Variants in ARSB observed in about 807,000 individuals in gnomAD.
ARSB encodes the protein N-acetylgalactosamine-4-sulfatase.
A neutral mutation model predicts 50.9 loss-of-function variants in ARSB; 41 were observed. The ratio of observed to expected loss-of-function variants is 0.81; its 90% confidence interval spans 0.63 to 1.04. The LOEUF (loss-of-function observed/expected upper bound fraction) is 1.04. Among genes scored for constraint, ARSB ranks in the 50% least tolerant of loss-of-function variants. The probability of loss-of-function intolerance (pLI) is 0.00; values close to 1 mark genes in which losing one functional copy is unlikely to be tolerated. For synonymous variants in ARSB, 269 were observed against 284.8 expected (o/e 0.94, Z 0.56); for missense variants, 672 against 693.3 (o/e 0.97, Z 0.35).
intron 4 of ARSB, among the ~76,000 whole-genome samples, chr5:78,926,234 G>A (rs79232862): frequency 4.5e-4 from 69 of 152,266 alleles, no homozygotes; most frequent in African/African-American, 1.5e-3. Context: ...AAGGAAGAAA[G>A]GATAGCACAT....
intron 6 of ARSB, among the ~76,000 whole-genome samples, chr5:78,837,181 G>A (rs1485713486): frequency 1.3e-5 from 2 of 152,226 alleles, no homozygotes; most frequent in Non-Finnish European, 2.9e-5. Flanking sequence ...CTTAGTGAGT[G>A]AGGGGTCTTA....
chr5:78,878,564 T>TG (rs565583298), intron 5 of ARSB, among the ~76,000 whole-genome samples: 1 of 6,058 alleles, frequency 1.7e-4, no homozygotes, highest in African/African-American at 1.8e-4. Flanking sequence ...ATTTTATGTG[T>TG]TTTTTTTTTT....
At chr5:78,949,398 T>C (rs1310529315) in intron 4 of ARSB, among the ~76,000 whole-genome samples, 1 of 152,124 alleles carries the variant, frequency 6.6e-6, no homozygotes, top group Non-Finnish European at 1.5e-5. Flanking sequence ...CTAAGTGAAG[T>C]AAAGTGAGAG....
chr5:78,884,600 T>C (rs549345886), intron 5 of ARSB: 2 of 152,146 alleles, frequency 1.3e-5, no homozygotes, highest in Non-Finnish European at 2.9e-5. Flanking sequence ...AACAGAGCTG[T>C]AACACCAAAC....
At chr5:78,784,345 G>A (rs1187060994) in intron 6 of ARSB, among the ~76,000 whole-genome samples, 1 of 152,114 alleles carries the variant, frequency 6.6e-6, no homozygotes, top group Non-Finnish European at 1.5e-5. Flanking sequence ...AAGGAAATCG[G>A]TATACTAAAG....
rs1483102345 is a variant in ARSB, at chr5:78,869,962, T to TA, written c.1142+15621dup. The stretch of plus-strand genomic sequence containing the variant: ...AGAGAGAAGAATCAAATAGACACAA[T>TA]AAAAAATGATAAAGGGGATATCACC... On this transcript the variant is annotated intron_variant, in intron 5 of 7. Coordinates refer to ENST00000264914, the MANE Select transcript of ARSB (RefSeq NM_000046.5). Among the ~76,000 whole-genome samples the TA allele has an allele frequency of 8.0e-5, 12 of 150,012 alleles. No homozygotes were observed. In the South Asian group the frequency reaches 1.3e-3, roughly 16 times the overall value.
rs188320911 is a variant in ARSB, at chr5:78,801,753, C to T, written c.1214-19779G>A. 1.3e-3 allele frequency among the ~76,000 whole-genome samples: 200 copies of T among 152,272 alleles called. 1 individual carries two copies. The Middle Eastern group carries it at 0.017, about 13-fold the overall frequency. On this transcript the variant is annotated intron_variant, in intron 6 of 7. Transcript: ENST00000264914. ...CAGGCCTGGGCCCAGAAAACCCTCT[C>T]ATGCACAGCCTTCCATGCAGAGAAG...
chr5:78,926,175 G>A (rs1003577758), intron 4 of ARSB, among the ~76,000 whole-genome samples: 9 of 151,878 alleles, frequency 5.9e-5, no homozygotes, highest in South Asian at 2.1e-4. Context: ...CTTTTCTTCC[G>A]GCCATAATCC....
chr5:78,879,866 AT>A (rs1415681852), intron 5 of ARSB, among the ~76,000 whole-genome samples: 3 of 152,196 alleles, frequency 2.0e-5, no homozygotes, highest in African/African-American at 7.2e-5. Context: ...TTCTCAAGCA[AT>A]GGGAACAGAA....
intron 6 of ARSB, chr5:78,816,152 A>G: frequency 5.6e-6 from 9 of 1,614,150 alleles, no homozygotes; most frequent in Non-Finnish European, 7.6e-6. Flanking sequence ...GAAGATATAC[A>G]GATTTCTCAG....
At position 78,866,449 on chromosome 5, in the gene ARSB, G is replaced by A. The variant is rs375120431; in HGVS notation, c.1142+19135C>T. ...GGAATTCAAGATGAGATTTGGGTGG[G>A]GACACAGCCAAACCATATCAAGGGG... On this transcript the variant is annotated intron_variant, in intron 5 of 7. Transcript: ENST00000264914. Among the ~76,000 whole-genome samples the A allele has an allele frequency of 1.2e-4, 18 of 152,152 alleles. No individual in the cohort carries two copies. The East Asian group carries it at 1.5e-3, about 13-fold the overall frequency.
intron 5 of ARSB, among the ~76,000 whole-genome samples, chr5:78,872,257 G>A (rs1425527093): frequency 6.6e-6 from 1 of 151,726 alleles, no homozygotes; most frequent in Admixed American, 6.6e-5. Flanking sequence ...AGTCAGTGTG[G>A]CGATTCCTCA....
chr5:78,898,738 T>C (rs1174724350), intron 4 of ARSB, among the ~76,000 whole-genome samples: 4 of 152,150 alleles, frequency 2.6e-5, no homozygotes, highest in Admixed American at 2.6e-4. Context: ...TTTCCTTGCC[T>C]TTCTAGCAAA....
At chr5:78,823,019 T>C (rs1423825144) in intron 6 of ARSB, among the ~76,000 whole-genome samples, 2 of 152,264 alleles carry the variant, frequency 1.3e-5, no homozygotes, top group African/African-American at 2.4e-5. Context: ...GTTTTTCCTC[T>C]CAAATATTGC....
chr5:78,931,203 T>C (rs1272724461), intron 4 of ARSB, among the ~76,000 whole-genome samples: 1 of 152,224 alleles, frequency 6.6e-6, no homozygotes, highest in Non-Finnish European at 1.5e-5. Flanking sequence ...GGGAAAGTAT[T>C]AGTCTGTTTT....
In ARSB at chr5:78,964,601, G is replaced by A; in HGVS notation, c.505C>T (p.Leu169Phe). Residue 169 changes from leucine to phenylalanine, a missense_variant, in exon 3 of 8, where the codon CTC becomes TTC. Coordinates refer to ENST00000264914, the MANE Select transcript of ARSB (RefSeq NM_000046.5). The stretch of plus-strand genomic sequence containing the variant: ...GAATAATAATCTTCACTACCCAGGA[G>A]ATATCCTGCAAGAATGGAAGACGAA... ...RRGFDTYFGY[L>F]LGSEDYYSHE... The A allele has an allele frequency of 6.2e-7, 1 of 1,613,168 alleles. No homozygotes were observed. The highest frequency in any genetic ancestry group is 8.5e-7 in the Non-Finnish European group (1 of 1,179,794).
intron 4 of ARSB, among the ~76,000 whole-genome samples, chr5:78,894,192 C>T (rs1261953245): frequency 1.3e-5 from 2 of 152,284 alleles, no homozygotes; most frequent in Admixed American, 6.5e-5. Flanking sequence ...CAGGAACAAA[C>T]AGAATTGTGG....
intron 5 of ARSB, among the ~76,000 whole-genome samples, chr5:78,877,458 G>A (rs977012205): frequency 1.6e-4 from 24 of 152,128 alleles, no homozygotes; most frequent in African/African-American, 3.4e-4. Context: ...GTGCAATCTC[G>A]GATCACTGCA....
In ARSB at chr5:78,780,286, C is replaced by T. The variant is rs1045384481; in HGVS notation, c.*111G>A. On this transcript the variant is annotated 3_prime_UTR_variant, in exon 8 of 8. Transcript: ENST00000264914. ...TAGACACCTCGGTGTGGTTTAAGAGCAAGAGAAGGGCCAAGTGAACCCAGG... is the reference window on the plus strand; with the variant it reads ...TAGACACCTCGGTGTGGTTTAAGAGTAAGAGAAGGGCCAAGTGAACCCAGG... 1.7e-5 allele frequency: 25 copies of T among 1,470,860 alleles called. No individual in the cohort carries two copies. The highest frequency in any genetic ancestry group is 2.4e-5 in the Non-Finnish European group (25 of 1,055,770). 91.1% of individuals were successfully genotyped at this position (1,470,860 alleles called of 1,614,324 possible). A position where few individuals can be genotyped will look rare whatever the true frequency, so the allele number is the denominator to read the frequency against.
Sources: gnomAD v4.1 joint callset for allele counts (sites outside exome capture counted in the v4.1 genomes callset) on GRCh38, gnomAD v4.1.1 for gene constraint, MANE v1.5 for transcripts, NCBI Gene and HGNC (gene_info 2026-07-23, HGNC 2026-07-21) for gene names.